The following CD200 variants were observed in gnomAD, a reference collection of about 807,000 sequenced individuals.
CD200 encodes OX-2 membrane glycoprotein.
In CD200, 15 loss-of-function variants were observed where a neutral mutation model predicts 30.9. The ratio of observed to expected loss-of-function variants is 0.49; its 90% CI spans 0.32 to 0.75. CD200 has a LOEUF of 0.75. Among genes scored for constraint, CD200 ranks in the 30% least tolerant of loss-of-function variants. CD200 has a pLI of 0.03. For missense variants in CD200, 262 were observed against 324.2 expected (o/e 0.81, Z 1.47); for synonymous variants, 134 against 126.2 (o/e 1.06, Z -0.41).
chr3:112,348,992 G>A (rs1468741883), intron 4 of CD200, among the ~76,000 whole-genome samples: 1 of 151,982 alleles, frequency 6.6e-6, no homozygotes, highest in Non-Finnish European at 1.5e-5. Flanking sequence ...CATGCTCAAA[G>A]CATTATGTCA....
chr3:112,357,089 C>G (rs1040119604), intron 5 of CD200, among the ~76,000 whole-genome samples: 3 of 151,774 alleles, frequency 2.0e-5, no homozygotes, highest in Non-Finnish European at 2.9e-5. Flanking sequence ...GTGAAACCCC[C>G]TCTCTACTAA....
At chr3:112,338,064 T>A (rs776611224) in intron 1 of CD200, among the ~76,000 whole-genome samples, 2 of 152,170 alleles carry the variant, frequency 1.3e-5, no homozygotes. Context: ...AATCCACGGA[T>A]ACAGAACCAA....
chr3:112,354,338 T>C (rs1383002149), intron 5 of CD200, among the ~76,000 whole-genome samples: 1 of 152,144 alleles, frequency 6.6e-6, no homozygotes, highest in Non-Finnish European at 1.5e-5. Context: ...GTTAGACTAA[T>C]TAATGAAAAA....
chr3:112,344,814 C>T, intron 2 of CD200, 148 bp from the exon 3 acceptor site: 1 of 629,224 alleles, frequency 1.6e-6, no homozygotes, highest in Non-Finnish European at 2.7e-6. Flanking sequence ...TCTCTGGCAT[C>T]ACGTAGGAAT....
chr3:112,333,192 C>A lies in CD200; in HGVS notation c.-21C>A. On this transcript the variant is annotated 5_prime_UTR_variant, in exon 1 of 6. Transcript: ENST00000315711. ...CGCACATCCGCAGTCAGCCACCTCG[C>A]GCGCGCCTCCAGGAGCAAGGATGGA... 6.5e-7 allele frequency: 1 copy of A among 1,549,566 alleles called. No homozygotes were observed. Among genetic ancestry groups the A allele is most frequent in the Non-Finnish European group, 8.7e-7 (1 of 1,146,552 alleles).
chr3:112,350,773 AT>A (rs555393417), intron 5 of CD200, among the ~76,000 whole-genome samples: 7 of 151,570 alleles, frequency 4.6e-5, no homozygotes, highest in Admixed American at 2.6e-4. Flanking sequence ...AATCTCACTC[AT>A]TTTTTCCTTT....
In CD200 at chr3:112,345,019, G is replaced by GCT; in HGVS notation, c.157_158dup (p.Gln54CysfsTer10). The GCT allele has an allele frequency of 6.2e-7, 1 of 1,614,066 alleles. No homozygotes were observed. The highest frequency in any genetic ancestry group is 8.5e-7 in the Non-Finnish European group (1 of 1,180,000). On this transcript the variant is annotated frameshift_variant, in exon 3 of 6. Coordinates refer to ENST00000315711, the MANE Select transcript of CD200 (RefSeq NM_005944.7). LOFTEE classifies it high-confidence loss of function. ...CTGTACACACCTGCTTCCTTAAAAT[G>GCT]CTCTCTGCAAAATGCCCAGGAAGCC...
chr3:112,347,983 T>C (rs1468659616), intron 4 of CD200, among the ~76,000 whole-genome samples, 153 bp downstream of exon 4: 1 of 152,146 alleles, frequency 6.6e-6, no homozygotes, highest in Admixed American at 6.5e-5. Context: ...AACAAAAAAA[T>C]TGAAGAAACA....
chr3:112,353,215 A>G (rs2081566962), intron 5 of CD200, among the ~76,000 whole-genome samples: 1 of 152,220 alleles, frequency 6.6e-6, no homozygotes, highest in African/African-American at 2.4e-5. Context: ...CAACAATTAC[A>G]TGCTTCTCAG....
intron 5 of CD200, among the ~76,000 whole-genome samples, chr3:112,350,823 T>C (rs2081515970): frequency 6.6e-6 from 1 of 152,228 alleles, no homozygotes; most frequent in African/African-American, 2.4e-5. Flanking sequence ...TTTAGTTTTA[T>C]GTTTATATTT....
At chr3:112,353,869 C>G (rs2081581180) in intron 5 of CD200, among the ~76,000 whole-genome samples, 1 of 152,128 alleles carries the variant, frequency 6.6e-6, no homozygotes, top group Non-Finnish European at 1.5e-5. Flanking sequence ...CCCAACCCCA[C>G]CCCAGTATCC....
rs566639470 is a variant in CD200, at chr3:112,357,271, A to AAAAGAAAGAAAG, written c.803-4260_803-4249dup. On this transcript the variant is annotated intron_variant, in intron 5 of 5. Transcript: ENST00000315711. ...GCGAGACTGTCTCAAAAAAAAAAAA[A>AAAAGAAAGAAAG]AAAGAAAGAAAGAAAGAAAGAAAAA... Among the ~76,000 whole-genome samples, 457 of 139,772 alleles carry AAAAGAAAGAAAG rather than the reference A, an allele frequency of 3.3e-3. 1 individual carries two copies. The highest frequency in any genetic ancestry group is 7.6e-3 in the Middle Eastern group (2 of 264). 91.7% of individuals were successfully genotyped at this position (139,772 alleles called of 152,430 possible). A position where few individuals can be genotyped will look rare whatever the true frequency, so the allele number is the denominator to read the frequency against.
At position 112,361,880 on chromosome 3, in the gene CD200, C is replaced by T; in HGVS notation, c.*330C>T. 2.9e-6 allele frequency: 1 copy of T among 350,322 alleles called. No homozygotes were observed. Among genetic ancestry groups the T allele is most frequent in the Non-Finnish European group, 5.2e-6 (1 of 193,078 alleles). The allele number at this position is 350,322 out of a possible 1,614,324, so 21.7% of individuals were successfully genotyped here. A position where few individuals can be genotyped will look rare whatever the true frequency, so the allele number is the denominator to read the frequency against. ...CTTGGGCTCCTACTGGTGGGGACCT[C>T]TGTTAGTCACTTTACCTCATCCAAA... On this transcript the variant is annotated 3_prime_UTR_variant, in exon 6 of 6. Transcript: ENST00000315711.
upstream of CD200, chr3:112,332,883 C>A: frequency 2.8e-6 from 1 of 353,214 alleles, no homozygotes. Context: ...ACCTCATTTC[C>A]TTTCTCAGTC....
Position 112,349,815 on chromosome 3 carries a change from C to T in CD200, c.798C>T (p.Asp266=), listed in dbSNP as rs1352948175. The T allele has an allele frequency of 6.2e-7, 1 of 1,606,720 alleles. No individual in the cohort carries two copies. The highest frequency in any genetic ancestry group is 8.5e-7 in the Non-Finnish European group (1 of 1,177,162). Residue 266 remains aspartate (D), a synonymous_variant, in exon 5 of 6, where the codon GAC becomes GAT. Transcript: ENST00000315711. ...LLYWKRHRNQ[D]REP is the part of the protein sequence containing the mutation. ...ACTGGAAACGTCACCGGAATCAGGA[C>T]CGAGGTGAGTTGTCACAGGGAGTTC... is the stretch of plus-strand genomic sequence containing the variant.
chr3:112,349,848 G>A (rs2081497291), intron 5 of CD200, 29 bp downstream of exon 5: 2 of 1,572,286 alleles, frequency 1.3e-6, no homozygotes, highest in East Asian at 4.5e-5. Context: ...TTCAAAAAAT[G>A]ACATAAATTA....
At chr3:112,349,687 CT>C in intron 4 of CD200, 24 bp from the exon 5 acceptor site, 2 of 1,583,244 alleles carry the variant, frequency 1.3e-6, no homozygotes, top group Admixed American at 1.8e-5. Context: ...TGTCATTTTC[CT>C]TTTTCTTTCT....
chr3:112,340,868 A>T, intron 1 of CD200, 34 bp from the exon 2 acceptor site: 1 of 1,294,872 alleles, frequency 7.7e-7, no homozygotes, highest in Non-Finnish European at 1.1e-6. Context: ...CCAAATCCAA[A>T]CCCCCATTTC....
chr3:112,347,009 T>G (rs1353073258), intron 3 of CD200, among the ~76,000 whole-genome samples: 2 of 152,200 alleles, frequency 1.3e-5, no homozygotes, highest in South Asian at 4.1e-4. Context: ...AAAAAGGGAT[T>G]TTCCAGCTCT....
Sources: allele counts gnomAD v4.1 joint callset (sites outside exome capture counted in the v4.1 genomes callset), GRCh38; gene constraint gnomAD v4.1.1; transcripts MANE v1.5; gene names NCBI Gene and HGNC (gene_info 2026-07-23, HGNC 2026-07-21).